The following CACNA2D3 variants were observed in gnomAD, a reference collection of about 807,000 sequenced individuals.
CACNA2D3 encodes calcium voltage-gated channel auxiliary subunit alpha2delta 3.
In CACNA2D3, 60 loss-of-function variants were observed where a neutral mutation model predicts 160.6. That is an observed-to-expected ratio of 0.37 (90% CI 0.30 to 0.46). The LOEUF (loss-of-function observed/expected upper bound fraction) is 0.46. CACNA2D3 is among the 20% of genes least tolerant of loss of function. The pLI is 1.00. For synonymous variants in CACNA2D3, 558 were observed against 492.9 expected (o/e 1.13, Z -1.75); for missense variants, 1,205 against 1,365.0 (o/e 0.88, Z 1.85).
At chr3:54,253,207 C>T (rs1169585923) in intron 2 of CACNA2D3, among the ~76,000 whole-genome samples, 1 of 151,130 alleles carries the variant, frequency 6.6e-6, no homozygotes, top group African/African-American at 2.4e-5. Flanking sequence ...TTTCTGAGAG[C>T]AAGAGAGTAT....
intron 11 of CACNA2D3, among the ~76,000 whole-genome samples, chr3:54,741,125 G>A (rs1701639821): frequency 6.6e-6 from 1 of 152,114 alleles, no homozygotes; most frequent in Non-Finnish European, 1.5e-5. Context: ...GAGGCAAAGG[G>A]AGACAAACTC....
chr3:54,400,682 A>C (rs1427089067), intron 4 of CACNA2D3, among the ~76,000 whole-genome samples: 1 of 152,190 alleles, frequency 6.6e-6, no homozygotes, highest in Non-Finnish European at 1.5e-5. Flanking sequence ...AACTGCTTCT[A>C]CTAGGAGCTT....
intron 35 of CACNA2D3, among the ~76,000 whole-genome samples, chr3:55,056,546 A>G (rs1225879669): frequency 2.0e-5 from 3 of 152,214 alleles, no homozygotes; most frequent in African/African-American, 7.2e-5. Context: ...TAAGTTATGG[A>G]ATCAACCTAA....
At chr3:54,966,033 G>A (rs918804175) in intron 27 of CACNA2D3, among the ~76,000 whole-genome samples, 6 of 152,186 alleles carry the variant, frequency 3.9e-5, no homozygotes, top group African/African-American at 7.2e-5. Context: ...GACAGGGGCA[G>A]ATGAGAACAG....
intron 27 of CACNA2D3, among the ~76,000 whole-genome samples, chr3:54,953,208 G>A (rs953612332): frequency 5.9e-5 from 9 of 152,168 alleles, no homozygotes; most frequent in Non-Finnish European, 1.0e-4. Flanking sequence ...AGGCACAAAC[G>A]TATAAGGTGT....
intron 13 of CACNA2D3, among the ~76,000 whole-genome samples, chr3:54,794,135 C>T (rs1035860870): frequency 1.3e-5 from 2 of 151,960 alleles, no homozygotes; most frequent in African/African-American, 4.8e-5. Flanking sequence ...ATGCATGTAT[C>T]TATATATTAT....
intron 16 of CACNA2D3, among the ~76,000 whole-genome samples, chr3:54,839,732 T>G (rs1698780051): frequency 6.6e-6 from 1 of 152,162 alleles, no homozygotes; most frequent in Admixed American, 6.5e-5. Context: ...GGACCTGGGC[T>G]TTCCTGGGCC....
chr3:54,680,251 A>AATATTT (rs1355531934), intron 11 of CACNA2D3, among the ~76,000 whole-genome samples: 5 of 152,200 alleles, frequency 3.3e-5, no homozygotes, highest in African/African-American at 1.2e-4. Flanking sequence ...ACATTCACCT[A>AATATTT]ATTGTGGAAA....
intron 27 of CACNA2D3, among the ~76,000 whole-genome samples, chr3:54,942,974 A>C (rs4955909): frequency 0.45 from 68,472 of 151,752 alleles, 16,321 homozygotes; most frequent in East Asian, 0.76. Context: ...CAGTGAGCTG[A>C]GACTGTGCCA....
At chr3:54,275,421 G>T (rs1702713712) in intron 2 of CACNA2D3, among the ~76,000 whole-genome samples, 1 of 151,994 alleles carries the variant, frequency 6.6e-6, no homozygotes, top group African/African-American at 2.4e-5. Flanking sequence ...GAAAGGCATA[G>T]AATTATAAGG....
chr3:55,033,777 ATT>A (rs1257324345), intron 35 of CACNA2D3, among the ~76,000 whole-genome samples: 1 of 134,952 alleles, frequency 7.4e-6, no homozygotes, highest in Non-Finnish European at 1.6e-5. Flanking sequence ...TATAATATGT[ATT>A]ATATATTAAA....
rs781590348 is a variant in CACNA2D3, at chr3:54,924,876, CT to C, written c.2449+25009del. 2 of 1,613,798 alleles carry C rather than the reference CT, an allele frequency of 1.2e-6. 1 individual carries two copies. Among genetic ancestry groups the C allele is most frequent in the South Asian group, 2.2e-5 (2 of 91,058 alleles). On this transcript the variant is annotated intron_variant, in intron 27 of 37. Coordinates refer to ENST00000474759, the MANE Select transcript of CACNA2D3 (RefSeq NM_018398.3). Reference sequence around the variant, plus strand: ...CAGCTGAGGGAGGGAATGGAAAAGTCTGCTTTCCAGGGAAAGGAGTGAATTC... The same window carrying C: ...CAGCTGAGGGAGGGAATGGAAAAGTCGCTTTCCAGGGAAAGGAGTGAATTC...
chr3:54,721,775 AAAAAG>A (rs1347351535), intron 11 of CACNA2D3, among the ~76,000 whole-genome samples: 1 of 151,626 alleles, frequency 6.6e-6, no homozygotes, highest in Non-Finnish European at 1.5e-5. Context: ...AAAAAAAAAA[AAAAAG>A]AAAAGAAAAA....
At chr3:54,565,436 ATT>A (rs1702394399) in intron 6 of CACNA2D3, among the ~76,000 whole-genome samples, 1 of 152,122 alleles carries the variant, frequency 6.6e-6, no homozygotes, top group Non-Finnish European at 1.5e-5. Context: ...GATGATGTCC[ATT>A]TCTGCATGGC....
chr3:54,819,756 A>G (rs1703544829), intron 14 of CACNA2D3, among the ~76,000 whole-genome samples: 1 of 151,890 alleles, frequency 6.6e-6, no homozygotes, highest in South Asian at 2.1e-4. Flanking sequence ...GGGGCAGGAG[A>G]ATTGCTTGAA....
At chr3:54,155,264 G>A (rs1700226214) in intron 2 of CACNA2D3, among the ~76,000 whole-genome samples, 1 of 152,120 alleles carries the variant, frequency 6.6e-6, no homozygotes, top group Non-Finnish European at 1.5e-5. Context: ...TTTACCTATG[G>A]GTCACACAAA....
chr3:54,726,489 T>A (rs758084841), intron 11 of CACNA2D3, among the ~76,000 whole-genome samples: 2 of 152,158 alleles, frequency 1.3e-5, no homozygotes, highest in Non-Finnish European at 2.9e-5. Flanking sequence ...GCTGGAGGCA[T>A]CACACTACCT....
chr3:54,593,456 G>A (rs921476292), intron 9 of CACNA2D3, among the ~76,000 whole-genome samples: 1 of 151,848 alleles, frequency 6.6e-6, no homozygotes, highest in Non-Finnish European at 1.5e-5. Flanking sequence ...GAAGAATAAA[G>A]GAACAGAGGG....
chr3:54,273,587 A>G (rs1245634736), intron 2 of CACNA2D3, among the ~76,000 whole-genome samples: 2 of 152,152 alleles, frequency 1.3e-5, no homozygotes, highest in East Asian at 3.9e-4. Flanking sequence ...TGAGACTTAG[A>G]CGCTGTCTGA....
Sources: gnomAD v4.1 joint callset for allele counts (sites outside exome capture counted in the v4.1 genomes callset) on GRCh38, gnomAD v4.1.1 for gene constraint, MANE v1.5 for transcripts, NCBI Gene and HGNC (gene_info 2026-07-23, HGNC 2026-07-21) for gene names.